The following NETO1 variants were observed in gnomAD, a reference collection of about 807,000 sequenced individuals.
NETO1 encodes the protein neuropilin and tolloid like 1.
In NETO1, 26 loss-of-function variants were observed where a neutral mutation model predicts 61.3. The observed-to-expected ratio is 0.42, with a 90% CI of 0.31 to 0.59. The LOEUF (loss-of-function observed/expected upper bound fraction) is 0.59. NETO1 is among the 20% of genes least tolerant of loss of function. NETO1 has a pLI of 0.12. For synonymous variants in NETO1, 225 were observed against 225.8 expected (o/e 1.00, Z 0.03); for missense variants, 531 against 662.8 (o/e 0.80, Z 2.18).
intron 4 of NETO1, among the ~76,000 whole-genome samples, chr18:72,852,836 T>TC (rs1259966274): frequency 2.0e-5 from 3 of 147,310 alleles, no homozygotes; most frequent in African/African-American, 4.9e-5. Flanking sequence ...TCTTTTTCTT[T>TC]TTTTTTTTTT....
At chr18:72,770,525 C>T (rs1391012016) in intron 7 of NETO1, among the ~76,000 whole-genome samples, 1 of 152,030 alleles carries the variant, frequency 6.6e-6, no homozygotes, top group Non-Finnish European at 1.5e-5. Flanking sequence ...TTTAAATCTG[C>T]ACCATCTGGT....
chr18:72,851,886 T>C (rs936272319), intron 4 of NETO1, among the ~76,000 whole-genome samples: 1 of 152,218 alleles, frequency 6.6e-6, no homozygotes, highest in Non-Finnish European at 1.5e-5. Flanking sequence ...ACCGTGCTTA[T>C]ATAACTGATA....
chr18:72,749,625 T>TA (rs1366323500), intron 9 of NETO1, among the ~76,000 whole-genome samples: 1 of 152,116 alleles, frequency 6.6e-6, no homozygotes, highest in African/African-American at 2.4e-5. Context: ...ATTTTGGGAT[T>TA]AAAATTGTCC....
chr18:72,863,847 A>G (rs1421558689), intron 3 of NETO1, among the ~76,000 whole-genome samples: 1 of 152,098 alleles, frequency 6.6e-6, no homozygotes, highest in Non-Finnish European at 1.5e-5. Flanking sequence ...GTTTTAGGCT[A>G]TTTAGGTACT....
In NETO1 at chr18:72,867,567, A is replaced by G. The variant is rs1425108607; in HGVS notation, c.-276T>C. ...GCAGCATCCCCACCGTGACGCTCGCATCACACCCGGGCGCCGGCCGCCACC... is the reference window on the plus strand; with the variant it reads ...GCAGCATCCCCACCGTGACGCTCGCGTCACACCCGGGCGCCGGCCGCCACC... On this transcript the variant is annotated 5_prime_UTR_variant, in exon 1 of 11. The change abolishes an upstream ATG in the 5' untranslated region. Coordinates refer to ENST00000327305, the MANE Select transcript of NETO1 (RefSeq NM_138966.5). 8.9e-6 allele frequency: 3 copies of G among 335,336 alleles called. No homozygotes were observed. The highest frequency in any genetic ancestry group is 1.6e-5 in the Non-Finnish European group (3 of 186,448). The allele number at this position is 335,336 out of a possible 1,614,324, so 20.8% of individuals were successfully genotyped here.
At chr18:72,777,429 A>C (rs1411435749) in intron 7 of NETO1, among the ~76,000 whole-genome samples, 5 of 116,246 alleles carry the variant, frequency 4.3e-5, no homozygotes, top group Admixed American at 9.3e-5. Context: ...GAAAAAAAAA[A>C]ACAAAACAAC....
intron 7 of NETO1, among the ~76,000 whole-genome samples, chr18:72,778,862 T>G (rs559828706): frequency 2.0e-4 from 30 of 152,284 alleles, no homozygotes; most frequent in Admixed American, 1.2e-3. Context: ...CCAAAGCCAC[T>G]GCCACCTATT....
chr18:72,749,260 T>A (rs942076302), intron 9 of NETO1, among the ~76,000 whole-genome samples, 172 bp from the exon 10 acceptor site: 13 of 152,150 alleles, frequency 8.5e-5, no homozygotes, highest in African/African-American at 3.1e-4. Context: ...GAGAATGTAA[T>A]GAATGGAGAA....
chr18:72,784,734 T>C (rs1297023775), intron 6 of NETO1, among the ~76,000 whole-genome samples: 2 of 152,218 alleles, frequency 1.3e-5, no homozygotes, highest in Non-Finnish European at 2.9e-5. Flanking sequence ...ACAGACATTA[T>C]TTGACTCTTT....
intron 4 of NETO1, among the ~76,000 whole-genome samples, chr18:72,829,899 G>A (rs77494756): frequency 0.013 from 1,904 of 152,248 alleles, 36 homozygotes; most frequent in African/African-American, 0.044. Context: ...AGACAAAACT[G>A]CATTACCCTA....
chr18:72,771,552 G>T (rs2071352087), intron 7 of NETO1, among the ~76,000 whole-genome samples: 2 of 152,012 alleles, frequency 1.3e-5, no homozygotes, highest in South Asian at 2.1e-4. Flanking sequence ...AGGAATAAAA[G>T]AATGAAAGGA....
rs780740170 is a variant in NETO1 at position 72,858,841 on chromosome 18, A to C, written c.454T>G (p.Tyr152Asp). 6.2e-7 allele frequency: 1 copy of C among 1,611,114 alleles called. No homozygotes were observed. The highest frequency in any genetic ancestry group is 1.7e-5 in the Admixed American group (1 of 59,498). ...ACTTACTTACCAGGTGTGAAATTGTATCGAGCTGAAAATCCCATAGATTCC... is the reference window on the plus strand; with the variant it reads ...ACTTACTTACCAGGTGTGAAATTGTCTCGAGCTGAAAATCCCATAGATTCC... ...ELESMGFSAR[Y>D]NFTPDPDFKD... Residue 152 changes from tyrosine (Y) to aspartate (D), a missense_variant, in exon 4 of 11, where the codon TAC becomes GAC. Coordinates refer to ENST00000327305, the MANE Select transcript of NETO1 (RefSeq NM_138966.5).
intron 8 of NETO1, among the ~76,000 whole-genome samples, chr18:72,750,844 C>T (rs1599081353): frequency 6.7e-6 from 1 of 150,128 alleles, no homozygotes; most frequent in Non-Finnish European, 1.5e-5. Flanking sequence ...AGCCCTCCCT[C>T]CCCATTGCCC....
intron 4 of NETO1, among the ~76,000 whole-genome samples, chr18:72,851,731 C>A (rs1280655288): frequency 6.6e-6 from 1 of 152,126 alleles, no homozygotes; most frequent in Admixed American, 6.5e-5. Context: ...ATTTTAAAAT[C>A]ATGTATCAGT....
intron 4 of NETO1, among the ~76,000 whole-genome samples, chr18:72,802,676 T>C (rs1235270637): frequency 6.6e-6 from 1 of 152,220 alleles, no homozygotes; most frequent in African/African-American, 2.4e-5. Context: ...GACATTTGCA[T>C]TGATGGTGCA....
At chr18:72,797,282 A>G (rs1568208208) in intron 4 of NETO1, among the ~76,000 whole-genome samples, 1 of 152,184 alleles carries the variant, frequency 6.6e-6, no homozygotes, top group East Asian at 1.9e-4. Flanking sequence ...CAGGCAATGT[A>G]GAGAGAAATG....
At chr18:72,775,327 C>T (rs539662401) in intron 7 of NETO1, among the ~76,000 whole-genome samples, 250 of 152,280 alleles carry the variant, frequency 1.6e-3, no homozygotes, top group Middle Eastern at 6.8e-3. Flanking sequence ...TAAACGTCTG[C>T]TGAATTTTTT....
At chr18:72,752,638 T>C (rs997162741) in intron 8 of NETO1, among the ~76,000 whole-genome samples, 2 of 150,786 alleles carry the variant, frequency 1.3e-5, no homozygotes, top group African/African-American at 4.9e-5. Context: ...AGTGTATATA[T>C]AGGAAAAAAA....
chr18:72,757,280 G>A (rs957982320), intron 7 of NETO1, among the ~76,000 whole-genome samples: 21 of 151,854 alleles, frequency 1.4e-4, no homozygotes, highest in Admixed American at 6.6e-4. Flanking sequence ...TATTACATAA[G>A]TTTTAGAGTT....
Sources: allele counts gnomAD v4.1 joint callset (sites outside exome capture counted in the v4.1 genomes callset), GRCh38; gene constraint gnomAD v4.1.1; transcripts MANE v1.5; gene names NCBI Gene and HGNC (gene_info 2026-07-23, HGNC 2026-07-21).